The following PHC3 variants were observed in gnomAD, a reference collection of about 807,000 sequenced individuals.
The protein encoded by PHC3 is polyhomeotic-like protein 3.
PHC3 carries 13 observed loss-of-function variants against 107.4 expected under a neutral mutation model. That is an observed-to-expected ratio of 0.12 (90% CI 0.08 to 0.19). The LOEUF is 0.19. PHC3 is among the 10% of genes least tolerant of loss of function. The pLI is 1.00. For missense variants in PHC3, 992 were observed against 1,210.9 expected, an observed-to-expected ratio of 0.82 and a Z score of 2.68; for synonymous variants, 456 against 427.4, an observed-to-expected ratio of 1.07 and a Z score of -0.83.
chr3:170,099,995 T>C (rs1360033813), intron 14 of PHC3, among the ~76,000 whole-genome samples: 4 of 152,154 alleles, frequency 2.6e-5, no homozygotes, highest in African/African-American at 9.7e-5. Context: ...ATTATTCCTG[T>C]AGATAACTTT....
At chr3:170,181,314 G>A (rs926306165) in intron 1 of PHC3, among the ~76,000 whole-genome samples, 3 of 152,116 alleles carry the variant, frequency 2.0e-5, no homozygotes, top group Non-Finnish European at 4.4e-5. Flanking sequence ...GCCCTACCCA[G>A]CCTCCGCGGG....
chr3:170,127,676 T>C (rs951109646), intron 8 of PHC3, among the ~76,000 whole-genome samples: 5 of 152,210 alleles, frequency 3.3e-5, no homozygotes, highest in African/African-American at 1.2e-4. Context: ...CTTTCTGAGC[T>C]AATATTTATT....
rs370739215 is a variant in PHC3 at position 170,155,356 on chromosome 3, T to G, written c.415-6112A>C. On this transcript the variant is annotated intron_variant, in intron 4 of 14. Transcript: ENST00000495893. The stretch of plus-strand genomic sequence containing the variant: ...TGAGTAAAAAGGCAGCAAAACAACA[T>G]GTAGAGTATCATTCATATAGGTACA... Among the ~76,000 whole-genome samples the G allele has an allele frequency of 3.2e-4, 49 of 152,314 alleles. 1 individual carries two copies. The South Asian group carries it at 0.01, about 32-fold the overall frequency.
At chr3:170,145,221 A>C (rs1185788045) in intron 6 of PHC3, among the ~76,000 whole-genome samples, 1 of 152,238 alleles carries the variant, frequency 6.6e-6, no homozygotes, top group Admixed American at 6.5e-5. Flanking sequence ...AATAACCTAA[A>C]TATCTGTGTT....
At chr3:170,103,055 G>C in intron 12 of PHC3, 121 bp from the exon 13 acceptor site, 1 of 998,956 alleles carries the variant, frequency 1.0e-6, no homozygotes, top group South Asian at 1.6e-5. Context: ...ATTAATGAAT[G>C]TAAGACCTCA....
At chr3:170,172,441 G>T in intron 3 of PHC3, 116 bp downstream of exon 3, 1 of 1,138,246 alleles carries the variant, frequency 8.8e-7, no homozygotes, top group Non-Finnish European at 1.2e-6. Flanking sequence ...TTTCCTCCGG[G>T]AAAAATAACC....
At chr3:170,130,574 T>G (rs144951707) in intron 7 of PHC3, among the ~76,000 whole-genome samples, 1 of 152,196 alleles carries the variant, frequency 6.6e-6, no homozygotes, top group African/African-American at 2.4e-5. Context: ...AATGAGACAA[T>G]CAGAAGCCCA....
intron 6 of PHC3, among the ~76,000 whole-genome samples, chr3:170,143,575 T>G (rs990047491): frequency 5.3e-5 from 8 of 152,196 alleles, no homozygotes; most frequent in African/African-American, 1.9e-4. Context: ...AAATACCCAT[T>G]TCTGCCATAT....
At chr3:170,152,427 C>G (rs564904422) in intron 4 of PHC3, among the ~76,000 whole-genome samples, 2 of 149,026 alleles carry the variant, frequency 1.3e-5, no homozygotes, top group East Asian at 4.0e-4. Context: ...ACCTCACGAT[C>G]CCTCCCCCTC....
At chr3:170,149,372 T>G in intron 4 of PHC3, 128 bp from the exon 5 acceptor site, 1 of 808,460 alleles carries the variant, frequency 1.2e-6, no homozygotes, top group Non-Finnish European at 1.8e-6. Flanking sequence ...GGAGAAGCCT[T>G]TATCTTTGAC....
chr3:170,129,629 G>A, intron 7 of PHC3, 77 bp from the exon 8 acceptor site: 4 of 1,313,376 alleles, frequency 3.0e-6, no homozygotes, highest in Non-Finnish European at 4.2e-6. Flanking sequence ...AGGAAAAAGT[G>A]TTCATTATCA....
At position 170,157,729 on chromosome 3, in the gene PHC3, G is replaced by A. The variant is rs546524156; in HGVS notation, c.415-8485C>T. On this transcript the variant is annotated intron_variant, in intron 4 of 14. Transcript: ENST00000495893. ...CTATATAGTATAAATATATCAAATG[G>A]ACTCTGATATGTGGCTGATGTGATT... 3.4e-3 allele frequency among the ~76,000 whole-genome samples: 511 copies of A among 152,068 alleles called. 3 individuals are homozygous for A. The highest frequency in any genetic ancestry group is 6.1e-3 in the Non-Finnish European group (417 of 67,956).
At chr3:170,114,791 A>T (rs556109925) in intron 10 of PHC3, among the ~76,000 whole-genome samples, 10 of 152,356 alleles carry the variant, frequency 6.6e-5, no homozygotes, top group African/African-American at 2.4e-4. Flanking sequence ...ATGCTGGTTA[A>T]GTCTCCAATA....
At chr3:170,158,376 G>A (rs1727228717) in intron 4 of PHC3, among the ~76,000 whole-genome samples, 1 of 151,796 alleles carries the variant, frequency 6.6e-6, no homozygotes, top group Non-Finnish European at 1.5e-5. Context: ...AATCGAGGCA[G>A]GCGAATCACG....
intron 4 of PHC3, among the ~76,000 whole-genome samples, chr3:170,163,099 T>C (rs937168188): frequency 6.6e-6 from 1 of 152,212 alleles, no homozygotes; most frequent in Non-Finnish European, 1.5e-5. Flanking sequence ...GATTTGTTTG[T>C]TGTGGTACTG....
chr3:170,104,460 T>A (rs1305509629), intron 12 of PHC3, among the ~76,000 whole-genome samples: 1 of 152,132 alleles, frequency 6.6e-6, no homozygotes, highest in Non-Finnish European at 1.5e-5. Context: ...TTTGTAGAGA[T>A]GGGGGTCTCA....
chr3:170,171,171 A>G lies in PHC3; in HGVS notation c.414+202T>C. 1.2e-5 allele frequency: 7 copies of G among 576,196 alleles called. No homozygotes were observed. The South Asian group carries it at 1.7e-4, about 14-fold the overall frequency. 35.7% of individuals were successfully genotyped at this position (576,196 alleles called of 1,614,324 possible). A position where few individuals can be genotyped will look rare whatever the true frequency, so the allele number is the denominator to read the frequency against. Reference sequence around the variant, plus strand: ...TGGATATACAAGAAATAATACAAAAAGATTTTTTTAAGACTCAGATTTTCA... The same window carrying G: ...TGGATATACAAGAAATAATACAAAAGGATTTTTTTAAGACTCAGATTTTCA... On this transcript the variant is annotated intron_variant, in intron 4 of 14. Transcript: ENST00000495893.
chr3:170,145,459 C>T lies in PHC3; in HGVS notation c.636G>A (p.Ser212=), dbSNP rs750845476. 32 of 1,613,416 alleles carry T rather than the reference C, an allele frequency of 2.0e-5. No homozygotes were observed. Among genetic ancestry groups the T allele is most frequent in the South Asian group, 2.0e-4 (18 of 91,068 alleles). Residue 212 remains serine, a synonymous_variant, in exon 6 of 15, where the codon TCG becomes TCA. Transcript: ENST00000495893. Reference sequence around the variant, plus strand: ...CAGACTGACAGGAAGATGACGATGACGACGAGACAACAGGAATGTCAGACT... The same window carrying T: ...CAGACTGACAGGAAGATGACGATGATGACGAGACAACAGGAATGTCAGACT... The part of the protein sequence containing the change: ...AVQSDIPVVS[S]SSSSSCQSAA...
At chr3:170,131,259 T>C (rs1422602791) in intron 7 of PHC3, among the ~76,000 whole-genome samples, 1 of 152,086 alleles carries the variant, frequency 6.6e-6, no homozygotes, top group Non-Finnish European at 1.5e-5. Flanking sequence ...AAAACTGTGT[T>C]GATATAGACT....
Sources: gnomAD v4.1 joint callset for allele counts (sites outside exome capture counted in the v4.1 genomes callset) on GRCh38, gnomAD v4.1.1 for gene constraint, MANE v1.5 for transcripts, NCBI Gene and HGNC (gene_info 2026-07-23, HGNC 2026-07-21) for gene names.